TMEM260: variants seen among roughly 807,000 people sequenced by gnomAD.
The protein encoded by TMEM260 is transmembrane protein 260, also known as protein O-mannosyl-transferase TMEM260.
In TMEM260, 82 loss-of-function variants were observed where a neutral mutation model predicts 88.9. That is an observed-to-expected ratio of 0.92 (90% CI 0.77 to 1.11). The LOEUF is 1.11. Ranked by LOEUF, TMEM260 falls within the 50% of genes least tolerant of loss-of-function variation. The probability of loss-of-function intolerance (pLI) is 0.00; values close to 1 mark genes in which losing one functional copy is unlikely to be tolerated. For synonymous variants in TMEM260, 314 were observed against 309.3 expected (o/e 1.02, Z -0.16); for missense variants, 902 against 853.4 (o/e 1.06, Z -0.71).
chr14:56,604,136 A>T, intron 4 of TMEM260, 144 bp downstream of exon 4: 1 of 794,844 alleles, frequency 1.3e-6, no homozygotes, highest in Non-Finnish European at 1.8e-6. Context: ...AAATGATCTC[A>T]GTCTTTTTTA....
chr14:56,632,404 A>G (rs1408057233), intron 12 of TMEM260, among the ~76,000 whole-genome samples: 1 of 151,958 alleles, frequency 6.6e-6, no homozygotes, highest in African/African-American at 2.4e-5. Context: ...GTGCCTGCCA[A>G]CCCACCACTA....
At chr14:56,600,206 A>G (rs1886488312) in intron 3 of TMEM260, among the ~76,000 whole-genome samples, 1 of 152,208 alleles carries the variant, frequency 6.6e-6, no homozygotes, top group Non-Finnish European at 1.5e-5. Flanking sequence ...AAAACATTTC[A>G]TATTCCGTAT....
rs985309464 is a variant in TMEM260 at position 56,621,706 on chromosome 14, A to T, written c.1398+4A>T. On this transcript the variant is annotated splice_donor_region_variant and intron_variant, in intron 11 of 15. Transcript: ENST00000261556. Reference sequence around the variant, plus strand: ...CATTTCATTAGTGGATCAGGAAGTAAGTATATGAAAAATATACTTAGAATA... The same window carrying T: ...CATTTCATTAGTGGATCAGGAAGTATGTATATGAAAAATATACTTAGAATA... The T allele has an allele frequency of 6.3e-7, 1 of 1,597,560 alleles. No homozygotes were observed. Among genetic ancestry groups the T allele is most frequent in the Non-Finnish European group, 8.5e-7 (1 of 1,174,394 alleles).
At chr14:56,637,268 C>T (rs4901704) in intron 15 of TMEM260, among the ~76,000 whole-genome samples, 122,107 of 152,162 alleles carry the variant, frequency 0.8, 49,293 homozygotes, top group East Asian at 1. Context: ...CTGGTTACTG[C>T]CTCTGCAAAG....
chr14:56,610,409 T>G (rs1300045254), intron 6 of TMEM260, among the ~76,000 whole-genome samples: 1 of 151,678 alleles, frequency 6.6e-6, no homozygotes, highest in Non-Finnish European at 1.5e-5. Context: ...CCTGGCTAAT[T>G]TTTTTTGTAT....
chr14:56,633,711 A>G (rs926396305), intron 13 of TMEM260, among the ~76,000 whole-genome samples: 23 of 152,132 alleles, frequency 1.5e-4, no homozygotes, highest in African/African-American at 5.1e-4. Context: ...GCATTTCTAC[A>G]TAGAGCTTAA....
At chr14:56,625,652 A>C in intron 12 of TMEM260, 122 bp downstream of exon 12, 1 of 677,908 alleles carries the variant, frequency 1.5e-6, no homozygotes, top group South Asian at 2.2e-5. Context: ...GTCACTGGTG[A>C]GATTATCTTT....
At position 56,632,897 on chromosome 14, in the gene TMEM260, T is replaced by C. The variant is rs951273747; in HGVS notation, c.1548-98T>C. The stretch of plus-strand genomic sequence containing the variant: ...CCAAAATCATATAGGTAATAACTGT[T>C]GGGAAAAAATCTAAAAATGATCTTT... On this transcript the variant is annotated intron_variant, in intron 12 of 15. Transcript: ENST00000261556. 3 of 1,183,696 alleles carry C rather than the reference T, an allele frequency of 2.5e-6. No homozygotes were observed. In the South Asian group the frequency reaches 4.4e-5, roughly 18 times the overall value. 73.3% of individuals were successfully genotyped at this position (1,183,696 alleles called of 1,614,324 possible).
At position 56,618,783 on chromosome 14, in the gene TMEM260, A is replaced by G. The variant is rs1360538397; in HGVS notation, c.1226+20A>G. On this transcript the variant is annotated intron_variant, in intron 10 of 15. Transcript: ENST00000261556. Reference sequence around the variant, plus strand: ...TTACAGGTAATACATGGTTATTTTTATGAAAAGTAGCTGTCAAGCCAGAGA... The same window carrying G: ...TTACAGGTAATACATGGTTATTTTTGTGAAAAGTAGCTGTCAAGCCAGAGA... 1.9e-6 allele frequency: 3 copies of G among 1,606,256 alleles called. No homozygotes were observed. The highest frequency in any genetic ancestry group is 2.2e-5 in the East Asian group (1 of 44,824).
At chr14:56,646,491 T>C (rs1889975290) in intron 15 of TMEM260, among the ~76,000 whole-genome samples, 1 of 141,290 alleles carries the variant, frequency 7.1e-6, no homozygotes, top group African/African-American at 2.9e-5. Context: ...TGTCTGCGTT[T>C]TTGTTTGTTA....
downstream of TMEM260, among the ~76,000 whole-genome samples, chr14:56,653,745 A>AAAAAAAAAAC (rs1218839905): frequency 3.6e-5 from 5 of 137,446 alleles, no homozygotes; most frequent in East Asian, 4.5e-4. Flanking sequence ...CCAAAACAAA[A>AAAAAAAAAAC]AAAAAAAAAA....
chr14:56,632,912 A>C, intron 12 of TMEM260, 83 bp from the exon 13 acceptor site: 1 of 1,329,498 alleles, frequency 7.5e-7, no homozygotes, highest in Non-Finnish European at 1.0e-6. Context: ...AAAAATCTAA[A>C]AATGATCTTT....
chr14:56,635,469 T>C (rs1888973919), intron 14 of TMEM260, among the ~76,000 whole-genome samples: 1 of 152,180 alleles, frequency 6.6e-6, no homozygotes, highest in Admixed American at 6.5e-5. Flanking sequence ...CAGACAGACA[T>C]GTTAAAGGAG....
At chr14:56,659,896 G>T in the TMEM260 span, among the ~76,000 whole-genome samples, 9 of 152,110 alleles carry the variant, frequency 5.9e-5, no homozygotes, top group African/African-American at 2.2e-4. Context: ...GCCACGTACT[G>T]AGTTTTGTGA....
rs1474229317 is a variant in TMEM260, at chr14:56,579,913, C to T, written c.-2C>T. ...TCCTTCTCCCTCGGTCGCCACTGGCCCATGAGTCCCCATGGCGACGGCAGG... is the reference window on the plus strand; with the variant it reads ...TCCTTCTCCCTCGGTCGCCACTGGCTCATGAGTCCCCATGGCGACGGCAGG... On this transcript the variant is annotated 5_prime_UTR_variant, in exon 1 of 16. Transcript: ENST00000261556. 4 of 1,233,566 alleles carry T rather than the reference C, an allele frequency of 3.2e-6. No homozygotes were observed. In the East Asian group the frequency reaches 9.5e-5, roughly 29 times the overall value. 76.4% of individuals were successfully genotyped at this position (1,233,566 alleles called of 1,614,324 possible).
At position 56,632,981 on chromosome 14, in the gene TMEM260, T is replaced by G. The variant is rs540788172; in HGVS notation, c.1548-14T>G. Reference sequence around the variant, plus strand: ...AAATTTTAAGTACATCATGTATTTTTCTGTTTCCAACAGAAAAGAAACATT... The same window carrying G: ...AAATTTTAAGTACATCATGTATTTTGCTGTTTCCAACAGAAAAGAAACATT... On this transcript the variant is annotated splice_polypyrimidine_tract_variant and intron_variant, in intron 12 of 15. Transcript: ENST00000261556. 60 of 1,608,966 alleles carry G rather than the reference T, an allele frequency of 3.7e-5. No homozygotes were observed. In the East Asian group the frequency reaches 1.2e-3, roughly 32 times the overall value.
At chr14:56,604,207 A>G (rs752794108) in intron 4 of TMEM260, among the ~76,000 whole-genome samples, 12 of 152,166 alleles carry the variant, frequency 7.9e-5, no homozygotes, top group African/African-American at 2.6e-4. Context: ...TCAGAGTTCA[A>G]AAGTTTTTTG....
At chr14:56,620,535 G>A (rs1358787454) in intron 10 of TMEM260, among the ~76,000 whole-genome samples, 1 of 152,184 alleles carries the variant, frequency 6.6e-6, no homozygotes, top group East Asian at 1.9e-4. Flanking sequence ...CAGGCTAGGT[G>A]TTTTTATCTT....
intron 15 of TMEM260, 78 bp downstream of exon 15, chr14:56,636,676 T>C: frequency 5.8e-6 from 7 of 1,210,222 alleles, no homozygotes; most frequent in Non-Finnish European, 6.0e-6. Context: ...GGATAGAGGG[T>C]ATATCACATT....
Sources: allele counts gnomAD v4.1 joint callset (sites outside exome capture counted in the v4.1 genomes callset), GRCh38; gene constraint gnomAD v4.1.1; transcripts MANE v1.5; gene names NCBI Gene and HGNC (gene_info 2026-07-23, HGNC 2026-07-21).